GNA14: variants seen among roughly 807,000 people sequenced by gnomAD.
The protein encoded by GNA14 is guanine nucleotide-binding protein subunit alpha-14.
A neutral mutation model predicts 42.0 loss-of-function variants in GNA14; 50 were observed. That is an observed-to-expected ratio of 1.19 (90% confidence interval 0.95 to 1.51). The LOEUF is 1.51. Ranked by LOEUF, GNA14 falls within the 40% of genes most tolerant of loss-of-function variation. The pLI, the probability that GNA14 is intolerant of heterozygous loss-of-function variation, is 0.00. For synonymous variants in GNA14, 173 were observed against 163.1 expected, an observed-to-expected ratio of 1.06 and a Z score of -0.46; for missense variants, 473 against 446.2, an observed-to-expected ratio of 1.06 and a Z score of -0.54.
intron 1 of GNA14, among the ~76,000 whole-genome samples, chr9:77,599,178 G>T (rs1221016651): frequency 6.6e-6 from 1 of 152,206 alleles, no homozygotes; most frequent in Non-Finnish European, 1.5e-5. Flanking sequence ...GGATGAGATT[G>T]TTACCAGATG....
intron 1 of GNA14, among the ~76,000 whole-genome samples, chr9:77,585,227 T>C (rs927933791): frequency 3.3e-5 from 5 of 152,160 alleles, no homozygotes; most frequent in African/African-American, 1.2e-4. Context: ...AATATGACCA[T>C]AGGAGACCAG....
chr9:77,566,357 G>A (rs918580525), intron 1 of GNA14, among the ~76,000 whole-genome samples: 5 of 151,998 alleles, frequency 3.3e-5, no homozygotes, highest in African/African-American at 1.2e-4. Flanking sequence ...GTCTCGCCAT[G>A]TTGGTCAAGC....
chr9:77,476,845 G>A (rs1836436070), intron 2 of GNA14, among the ~76,000 whole-genome samples: 1 of 152,160 alleles, frequency 6.6e-6, no homozygotes, highest in Non-Finnish European at 1.5e-5. Context: ...TTCATACCTG[G>A]GAACATTTCA....
intron 1 of GNA14, among the ~76,000 whole-genome samples, chr9:77,567,252 C>A (rs576138233): frequency 6.6e-6 from 1 of 152,230 alleles, no homozygotes; most frequent in East Asian, 1.9e-4. Context: ...TTTCAATTTC[C>A]ATGTTCACAA....
At chr9:77,477,613 A>T (rs191625666) in intron 2 of GNA14, among the ~76,000 whole-genome samples, 71 of 152,354 alleles carry the variant, frequency 4.7e-4, no homozygotes, top group African/African-American at 1.6e-3. Context: ...GCTTCTAAGA[A>T]AGAAGGAACA....
chr9:77,541,035 CTT>C (rs765065508), intron 1 of GNA14, among the ~76,000 whole-genome samples: 31 of 151,920 alleles, frequency 2.0e-4, no homozygotes, highest in East Asian at 9.7e-4. Context: ...TTCTTTTTCT[CTT>C]GTTTGTCATT....
intron 2 of GNA14, among the ~76,000 whole-genome samples, chr9:77,522,572 A>G (rs1837375547): frequency 6.6e-6 from 1 of 152,218 alleles, no homozygotes; most frequent in African/African-American, 2.4e-5. Context: ...AGGTTGACAG[A>G]AAAGCAGAAT....
intron 2 of GNA14, among the ~76,000 whole-genome samples, chr9:77,515,627 G>A (rs1274237162): frequency 6.6e-6 from 1 of 152,070 alleles, no homozygotes; most frequent in Non-Finnish European, 1.5e-5. Context: ...TCTGAGAGCT[G>A]GAGGAAACAG....
In GNA14 at chr9:77,431,326, G is replaced by C; in HGVS notation, c.588C>G (p.Ile196Met). Residue 196 changes from isoleucine (I) to methionine (M), a missense_variant, in exon 4 of 7, where the codon ATC becomes ATG. By Grantham distance (10) the Ile-to-Met change is conservative (BLOSUM62 1). Coordinates refer to ENST00000341700, the MANE Select transcript of GNA14 (RefSeq NM_004297.4). ...IEYPFDLENI[I>M]FRMVDVGGQR... ...CATCAGGGAGACAGACTTACCGAAA[G>C]ATGATGTTTTCCAAGTCAAATGGAT... 1 of 1,613,666 alleles carries C rather than the reference G, an allele frequency of 6.2e-7. No individual in the cohort carries two copies. The highest frequency in any genetic ancestry group is 8.5e-7 in the Non-Finnish European group (1 of 1,179,670).
intron 2 of GNA14, among the ~76,000 whole-genome samples, chr9:77,517,065 C>G (rs1431430858): frequency 6.6e-6 from 1 of 152,140 alleles, no homozygotes; most frequent in South Asian, 2.1e-4. Flanking sequence ...AGAAATGGCA[C>G]GTTGGTTAGG....
intron 2 of GNA14, among the ~76,000 whole-genome samples, chr9:77,446,151 C>T (rs1036640232): frequency 6.6e-6 from 1 of 152,206 alleles, no homozygotes; most frequent in African/African-American, 2.4e-5. Context: ...AAAGACCCCT[C>T]CACAGAGAAG....
At chr9:77,506,968 T>G (rs1837081080) in intron 2 of GNA14, among the ~76,000 whole-genome samples, 1 of 152,236 alleles carries the variant, frequency 6.6e-6, no homozygotes. Flanking sequence ...TGAGATATCT[T>G]GCCTCTTATA....
At chr9:77,514,935 T>A (rs2131753524) in intron 2 of GNA14, among the ~76,000 whole-genome samples, 1 of 152,192 alleles carries the variant, frequency 6.6e-6, no homozygotes, top group African/African-American at 2.4e-5. Context: ...TTAAGACAAA[T>A]AAATGAAGTT....
chr9:77,451,289 C>G (rs943804927), intron 2 of GNA14, among the ~76,000 whole-genome samples: 1 of 152,178 alleles, frequency 6.6e-6, no homozygotes, highest in Non-Finnish European at 1.5e-5. Flanking sequence ...CATTAGCAGT[C>G]TCTAGCTAAA....
At chr9:77,483,921 G>A (rs1167795737) in intron 2 of GNA14, among the ~76,000 whole-genome samples, 4 of 152,208 alleles carry the variant, frequency 2.6e-5, no homozygotes, top group Admixed American at 6.5e-5. Context: ...ATAAAAGATA[G>A]TAATGCTTTC....
chr9:77,547,570 T>C (rs759190135), intron 1 of GNA14, among the ~76,000 whole-genome samples: 2 of 152,328 alleles, frequency 1.3e-5, no homozygotes, highest in East Asian at 1.9e-4. Flanking sequence ...CCTGTGGTTT[T>C]TTCATTAAAA....
chr9:77,451,119 T>A (rs1032282504), intron 2 of GNA14, among the ~76,000 whole-genome samples: 1 of 152,094 alleles, frequency 6.6e-6, no homozygotes, highest in Non-Finnish European at 1.5e-5. Context: ...GACGGCCCTA[T>A]GGGGAACATA....
At chr9:77,455,116 T>C (rs1346999927) in intron 2 of GNA14, among the ~76,000 whole-genome samples, 2 of 152,168 alleles carry the variant, frequency 1.3e-5, no homozygotes, top group African/African-American at 2.4e-5. Context: ...CTGGCTGTGC[T>C]CTCATCCAAG....
intron 1 of GNA14, among the ~76,000 whole-genome samples, chr9:77,540,977 G>A (rs1837653615): frequency 6.6e-6 from 1 of 152,088 alleles, no homozygotes; most frequent in African/African-American, 2.4e-5. Context: ...GATATGTGAA[G>A]TTTTGTTTTT....
Sources: gnomAD v4.1 joint callset for allele counts (sites outside exome capture counted in the v4.1 genomes callset) on GRCh38, gnomAD v4.1.1 for gene constraint, MANE v1.5 for transcripts, NCBI Gene and HGNC (gene_info 2026-07-23, HGNC 2026-07-21) for gene names.